DICER1: variants seen among roughly 807,000 people sequenced by gnomAD.
The protein encoded by DICER1 is dicer 1, ribonuclease III, also known as endoribonuclease Dicer.
DICER1 carries 43 observed loss-of-function variants against 194.1 expected under a neutral mutation model. That is an observed-to-expected ratio of 0.22 (90% CI 0.17 to 0.29). The LOEUF is 0.29. DICER1 is among the 10% of genes least tolerant of loss of function. The pLI is 1.00. For synonymous variants in DICER1, 832 were observed against 820.5 expected (o/e 1.01, Z -0.24); for missense variants, 1,608 against 2,317.0 (o/e 0.69, Z 6.28).
intron 24 of DICER1, among the ~76,000 whole-genome samples, chr14:95,093,654 G>T (rs1890042493): frequency 6.6e-6 from 1 of 152,144 alleles, no homozygotes; most frequent in South Asian, 2.1e-4. Context: ...TAACTGAAAG[G>T]CCTGGTTCCT....
Position 95,126,629 on chromosome 14 carries a change from T to G in DICER1, c.854A>C (p.Asn285Thr). 6.4e-7 allele frequency: 1 copy of G among 1,563,240 alleles called. No homozygotes were observed. Among genetic ancestry groups the G allele is most frequent in the Non-Finnish European group, 8.8e-7 (1 of 1,133,866 alleles). The change falls in exon 7 of 27, where the codon AAT becomes ACT. Residue 285 changes from asparagine to threonine, a missense_variant. Transcript: ENST00000343455. ...EEALNFINDC[N>T]ISVHSKERDS... ...TCTTTCTTTTGAATGTACAGATATATTACAATCATTGATAAAATTAAGTGC... is the reference window on the plus strand; with the variant it reads ...TCTTTCTTTTGAATGTACAGATATAGTACAATCATTGATAAAATTAAGTGC...
chr14:95,115,813 T>C lies in DICER1; in HGVS notation c.1761A>G (p.Arg587=), dbSNP rs1456333443. 6.2e-7 allele frequency: 1 copy of C among 1,614,036 alleles called. No homozygotes were observed. The highest frequency in any genetic ancestry group is 1.3e-5 in the African/African-American group (1 of 74,928). ...TATCAACCGACTTGGAACACTTGTT[T>C]CTCAAGATCTGAACATTTAAAAAAC... The part of the protein sequence containing the change: ...KTYKAIEKIL[R]NKCSKSVDTG... Residue 587 remains arginine (R), a synonymous_variant, in exon 11 of 27, where the codon AGA becomes AGG. Coordinates refer to ENST00000343455, the MANE Select transcript of DICER1 (RefSeq NM_177438.3).
chr14:95,149,227 A>T, intron 1 of DICER1, among the ~76,000 whole-genome samples: 1 of 152,248 alleles, frequency 6.6e-6, no homozygotes, highest in Non-Finnish European at 1.5e-5. Flanking sequence ...GAATACTTAA[A>T]TACTAAAGGG....
Position 95,105,249 on chromosome 14 carries a change from T to C in DICER1, c.3094-3A>G. On this transcript the variant is annotated splice_polypyrimidine_tract_variant and splice_region_variant and intron_variant, in intron 19 of 26. Transcript: ENST00000343455. This position sits in a 1 kb window ranked among gnomAD's most constrained non-coding sequence, Gnocchi z 4.9. ...GCACAGAGTTCTGGAACCAGTATCT[T>C]CAAGTAAGGGGAAAAATGGACAGAT... 1 of 1,613,238 alleles carries C rather than the reference T, an allele frequency of 6.2e-7. No individual in the cohort carries two copies. Among genetic ancestry groups the C allele is most frequent in the Non-Finnish European group, 8.5e-7 (1 of 1,179,626 alleles).
intron 11 of DICER1, 30 bp downstream of exon 11, chr14:95,115,637 G>C (rs761121784): frequency 1.9e-6 from 3 of 1,613,094 alleles, no homozygotes; most frequent in Non-Finnish European, 2.5e-6. Context: ...ACATTCCCAG[G>C]TTTTCCACAC....
chr14:95,093,697 T>G lies in DICER1; in HGVS notation c.5364+191A>C, dbSNP rs548337892. The stretch of plus-strand genomic sequence containing the variant: ...ACCTGAATGACCACACAGCCCACAG[T>G]GGGGGCAGACAAGTTCAAGAGGCCT... On this transcript the variant is annotated intron_variant, in intron 24 of 26. Transcript: ENST00000343455. Among the ~76,000 whole-genome samples the G allele has an allele frequency of 6.6e-5, 10 of 152,186 alleles. No homozygotes were observed. The East Asian group carries it at 1.9e-3, about 29-fold the overall frequency.
intron 1 of DICER1, among the ~76,000 whole-genome samples, chr14:95,137,713 T>C (rs146487894): frequency 2.0e-3 from 312 of 152,300 alleles, no homozygotes; most frequent in African/African-American, 7.2e-3. Context: ...TCAAGGGTCT[T>C]AGACTCCAAA....
chr14:95,151,494 C>T (rs1445698751), intron 1 of DICER1, among the ~76,000 whole-genome samples: 1 of 151,896 alleles, frequency 6.6e-6, no homozygotes. Flanking sequence ...TAAGAAACTC[C>T]TTTTTTTTCT....
rs1357000470 is a variant in DICER1, at chr14:95,087,446, TA to T, written c.*3051del. 1 of 233,154 alleles carries T rather than the reference TA, an allele frequency of 4.3e-6. No homozygotes were observed. The highest frequency in any genetic ancestry group is 2.2e-5 in the African/African-American group (1 of 45,352). The allele number at this position is 233,154 out of a possible 1,614,324, so 14.4% of individuals were successfully genotyped here. ...AAAAATGCCACAGACAAAAATGACC[TA>T]TTTAAGTTGTGCGAGTATATGACAC... is the stretch of plus-strand genomic sequence containing the variant. On this transcript the variant is annotated 3_prime_UTR_variant, in exon 27 of 27. Transcript: ENST00000343455.
In DICER1 at chr14:95,131,515, C is replaced by T. The variant is rs370784723; in HGVS notation, c.432G>A (p.Lys144=). 1 of 1,613,534 alleles carries T rather than the reference C, an allele frequency of 6.2e-7. No homozygotes were observed. ...ATTTCTCTACAAGTCTTACCTGGTG[C>T]TTAGTAAACTCTTGGTTCCATCTCT... The part of the protein sequence containing the change: ...TKERWNQEFT[K]HQVLIMTCYV... The change falls in exon 4 of 27, where the codon AAG becomes AAA. Residue 144 remains lysine, a synonymous_variant. Transcript: ENST00000343455.
Position 95,105,910 on chromosome 14 carries a change from T to C in DICER1, c.2988-127A>G. 2 of 1,411,026 alleles carry C rather than the reference T, an allele frequency of 1.4e-6. No individual in the cohort carries two copies. Among genetic ancestry groups the C allele is most frequent in the East Asian group, 4.6e-5 (2 of 43,934 alleles). 87.4% of individuals were successfully genotyped at this position (1,411,026 alleles called of 1,614,324 possible). A position where few individuals can be genotyped will look rare whatever the true frequency, so the allele number is the denominator to read the frequency against. ...TCTTGGGCTACCCCTTGGGCAAGTTTGTGTGCAAAGCATCTCCTGATTTCA... is the reference window on the plus strand; with the variant it reads ...TCTTGGGCTACCCCTTGGGCAAGTTCGTGTGCAAAGCATCTCCTGATTTCA... On this transcript the variant is annotated intron_variant, in intron 18 of 26. Coordinates refer to ENST00000343455, the MANE Select transcript of DICER1 (RefSeq NM_177438.3). This position sits in a 1 kb window ranked among gnomAD's most constrained non-coding sequence, Gnocchi z 4.9.
rs569042387 is a variant in DICER1 at position 95,113,858 on chromosome 14, G to A, written c.1908-634C>T. Among the ~76,000 whole-genome samples, 22 of 152,340 alleles carry A rather than the reference G, an allele frequency of 1.4e-4. No individual in the cohort carries two copies. In the South Asian group the frequency reaches 4.3e-3, roughly 30 times the overall value. The stretch of plus-strand genomic sequence containing the variant: ...TGTGAGGTTGCGACCTGTGCAGCAA[G>A]GGCACCTGACCACAGTTGCAGCCCT... On this transcript the variant is annotated intron_variant, in intron 11 of 26. Coordinates refer to ENST00000343455, the MANE Select transcript of DICER1 (RefSeq NM_177438.3).
chr14:95,087,905 TG>T lies in DICER1; in HGVS notation c.*2592del, dbSNP rs1325675888. 1 of 232,952 alleles carries T rather than the reference TG, an allele frequency of 4.3e-6. No homozygotes were observed. Among genetic ancestry groups the T allele is most frequent in the African/African-American group, 2.2e-5 (1 of 45,276 alleles). 14.4% of individuals were successfully genotyped at this position (232,952 alleles called of 1,614,324 possible). A position where few individuals can be genotyped will look rare whatever the true frequency, so the allele number is the denominator to read the frequency against. On this transcript the variant is annotated 3_prime_UTR_variant, in exon 27 of 27. Transcript: ENST00000343455. Reference sequence around the variant, plus strand: ...CAGGGTGGCACACAGGGCTCTAAAGTGGGGCAACATAGAGTGATTTTTTTTT... The same window carrying T: ...CAGGGTGGCACACAGGGCTCTAAAGTGGGCAACATAGAGTGATTTTTTTTT...
intron 3 of DICER1, 143 bp from the exon 4 acceptor site, chr14:95,131,782 C>G (rs1463673116): frequency 1.2e-6 from 1 of 829,386 alleles, no homozygotes; most frequent in African/African-American, 1.7e-5. Context: ...CTCTTTAAAA[C>G]CACAGTTCCA....
Position 95,156,815 on chromosome 14 carries a change from G to A in DICER1, c.-46+415C>T, listed in dbSNP as rs535545117. On this transcript the variant is annotated intron_variant, in intron 1 of 26. Transcript: ENST00000343455. Reference sequence around the variant, plus strand: ...GCGGCCCCATCAGAGGAGGGCCCCAGGGTGCTCCGGCAGGTCAGGCGCGCG... The same window carrying A: ...GCGGCCCCATCAGAGGAGGGCCCCAAGGTGCTCCGGCAGGTCAGGCGCGCG... Among the ~76,000 whole-genome samples, 116 of 152,254 alleles carry A rather than the reference G, an allele frequency of 7.6e-4. 1 individual carries two copies. The highest frequency in any genetic ancestry group is 3.7e-3 in the Admixed American group (57 of 15,310).
chr14:95,110,051 G>A (rs896379592), intron 14 of DICER1, among the ~76,000 whole-genome samples: 1 of 152,100 alleles, frequency 6.6e-6, no homozygotes, highest in Non-Finnish European at 1.5e-5. Context: ...CTGGCTAAGG[G>A]AAACAACCAA....
At chr14:95,092,350 T>C (rs1889922541) in intron 24 of DICER1, among the ~76,000 whole-genome samples, 1 of 152,234 alleles carries the variant, frequency 6.6e-6, no homozygotes, top group African/African-American at 2.4e-5. Context: ...TCAGGCAAAT[T>C]TAACTAATTT....
intron 1 of DICER1, chr14:95,140,658 C>T (rs945602037): frequency 6.6e-6 from 1 of 152,170 alleles, no homozygotes; most frequent in Admixed American, 6.5e-5. Context: ...CACAGATTTA[C>T]CGTTTTAATG....
chr14:95,123,464 C>T (rs1893116155), intron 8 of DICER1, among the ~76,000 whole-genome samples: 2 of 152,188 alleles, frequency 1.3e-5, no homozygotes, highest in Admixed American at 1.3e-4. Flanking sequence ...GCTCTACTGC[C>T]CAGGCTGGAG....
Sources: gnomAD v4.1 joint callset for allele counts (sites outside exome capture counted in the v4.1 genomes callset) on GRCh38, gnomAD v4.1.1 for gene constraint, Gnocchi (gnomAD v3.1) non-coding constraint, MANE v1.5 for transcripts, NCBI Gene and HGNC (gene_info 2026-07-23, HGNC 2026-07-21) for gene names.